SYNE3: variants seen among roughly 807,000 people sequenced by gnomAD.
SYNE3 encodes the protein nesprin-3.
SYNE3 carries 100 observed loss-of-function variants against 111.2 expected under a neutral mutation model. The observed-to-expected ratio is 0.90, with a 90% confidence interval of 0.77 to 1.06. SYNE3 has a LOEUF of 1.06. SYNE3 is among the 50% of genes least tolerant of loss of function. The probability of loss-of-function intolerance (pLI) is 0.00; values close to 1 mark genes in which losing one functional copy is unlikely to be tolerated. For synonymous variants in SYNE3, 547 were observed against 533.9 expected, an observed-to-expected ratio of 1.02 and a Z score of -0.34; for missense variants, 1,160 against 1,240.3, an observed-to-expected ratio of 0.94 and a Z score of 0.97.
intron 1 of SYNE3, among the ~76,000 whole-genome samples, chr14:95,513,696 T>C (rs1398523596): frequency 6.9e-6 from 1 of 145,706 alleles, no homozygotes; most frequent in African/African-American, 2.6e-5. Flanking sequence ...ACACTGCTGC[T>C]CCTGGGTTCC....
intron 1 of SYNE3, among the ~76,000 whole-genome samples, chr14:95,515,428 G>A (rs750939078): frequency 2.0e-5 from 3 of 152,210 alleles, no homozygotes; most frequent in East Asian, 1.9e-4. Flanking sequence ...AAGTGCAGGC[G>A]GCAAGCCCAG....
intron 14 of SYNE3, 104 bp downstream of exon 14, chr14:95,438,929 G>T: frequency 6.6e-7 from 1 of 1,505,994 alleles, no homozygotes; most frequent in Non-Finnish European, 9.1e-7. Context: ...CCTCAGAGCA[G>T]AGCATGTTGC....
chr14:95,408,021 G>A lies in SYNE3; in HGVS notation c.*9805C>T, dbSNP rs978259703. The A allele has an allele frequency of 5.9e-5, 9 of 152,168 alleles. No individual in the cohort carries two copies. The highest frequency in any genetic ancestry group is 2.2e-4 in the African/African-American group (9 of 41,438). The allele number at this position is 152,168 out of a possible 1,614,324, so 9.4% of individuals were successfully genotyped here. A position where few individuals can be genotyped will look rare whatever the true frequency, so the allele number is the denominator to read the frequency against. On this transcript the variant is annotated 3_prime_UTR_variant, in exon 18 of 18. Transcript: ENST00000682763. ...AGCACTCAATCTGGTGTGATCATCA[G>A]CGTCATCTGGGAGCAGCTTCAAAAA...
intron 1 of SYNE3, among the ~76,000 whole-genome samples, chr14:95,502,215 C>T (rs1890363433): frequency 6.6e-6 from 1 of 152,042 alleles, no homozygotes; most frequent in African/African-American, 2.4e-5. Flanking sequence ...CCAACTTTCA[C>T]CCTCATATCC....
chr14:95,421,208 A>G (rs867497578), intron 17 of SYNE3, among the ~76,000 whole-genome samples: 72 of 152,252 alleles, frequency 4.7e-4, no homozygotes, highest in African/African-American at 1.6e-3. Context: ...ACGGACTAAT[A>G]CATCATCCCT....
intron 6 of SYNE3, among the ~76,000 whole-genome samples, chr14:95,452,612 C>G (rs1002188822): frequency 6.6e-6 from 1 of 152,206 alleles, no homozygotes; most frequent in African/African-American, 2.4e-5. Flanking sequence ...CAGTTCTGCT[C>G]TTTATTGCCC....
chr14:95,468,553 C>A (rs1888334795), intron 2 of SYNE3, among the ~76,000 whole-genome samples: 1 of 152,136 alleles, frequency 6.6e-6, no homozygotes, highest in Non-Finnish European at 1.5e-5. Flanking sequence ...CTGGGAGATG[C>A]TGAGTGAGTG....
At chr14:95,430,102 G>A in intron 17 of SYNE3, 1 of 488,020 alleles carries the variant, frequency 2.0e-6, no homozygotes, top group Non-Finnish European at 2.6e-6. Context: ...ACCTGAGGCT[G>A]TGCTGGAGGG....
intron 15 of SYNE3, among the ~76,000 whole-genome samples, chr14:95,434,846 G>A (rs193119384): frequency 7.9e-5 from 12 of 152,274 alleles, no homozygotes; most frequent in African/African-American, 2.6e-4. Flanking sequence ...CAGTAGAAAC[G>A]TGGTTTCTCC....
rs369679815 is a variant in SYNE3, at chr14:95,513,398, G to A, written c.-15+3198C>T. Reference sequence around the variant, plus strand: ...GAAACCCAGGCGAGAGATCCAGGCTGCACTCTGGTGTTACAATGATAGTAG... The same window carrying A: ...GAAACCCAGGCGAGAGATCCAGGCTACACTCTGGTGTTACAATGATAGTAG... On this transcript the variant is annotated intron_variant, in intron 1 of 17. Coordinates refer to ENST00000682763, the MANE Select transcript of SYNE3 (RefSeq NM_152592.6). Among the ~76,000 whole-genome samples, 12 of 152,246 alleles carry A rather than the reference G, an allele frequency of 7.9e-5. No individual in the cohort carries two copies. In the East Asian group the frequency reaches 1.9e-3, roughly 25 times the overall value.
At chr14:95,436,600 T>C (rs900018822) in intron 15 of SYNE3, among the ~76,000 whole-genome samples, 1 of 152,272 alleles carries the variant, frequency 6.6e-6, no homozygotes, top group Non-Finnish European at 1.5e-5. Context: ...TGGTGATATT[T>C]TCCAAGTAGG....
At chr14:95,469,959 A>T (rs1453338596) in intron 2 of SYNE3, among the ~76,000 whole-genome samples, 1 of 152,150 alleles carries the variant, frequency 6.6e-6, no homozygotes, top group Non-Finnish European at 1.5e-5. Context: ...GAGTGAGGCA[A>T]ACAAGCTCCT....
intron 1 of SYNE3, among the ~76,000 whole-genome samples, chr14:95,508,178 T>C (rs1890595456): frequency 6.6e-6 from 1 of 152,168 alleles, no homozygotes; most frequent in Non-Finnish European, 1.5e-5. Flanking sequence ...TAGCTGAGGG[T>C]GGGTTACTTA....
At chr14:95,419,019 G>A (rs909956839) in intron 17 of SYNE3, among the ~76,000 whole-genome samples, 25 of 152,038 alleles carry the variant, frequency 1.6e-4, no homozygotes, top group African/African-American at 5.6e-4. Flanking sequence ...ATGAAGGTTA[G>A]TCTCACAAGT....
rs1886981740 is a variant in SYNE3, at chr14:95,450,097, A to T, written c.1283T>A (p.Val428Glu). 5.1e-6 allele frequency: 8 copies of T among 1,575,214 alleles called. No individual in the cohort carries two copies. The highest frequency in any genetic ancestry group is 6.9e-6 in the Non-Finnish European group (8 of 1,159,840). The change falls in exon 8 of 18, where the codon GTG becomes GAG. Residue 428 changes from valine to glutamate, a missense_variant. By Grantham distance (121) the Val-to-Glu change is moderately radical (BLOSUM62 -2). Coordinates refer to ENST00000682763, the MANE Select transcript of SYNE3 (RefSeq NM_152592.6). ...ATIQEYQSLK[V>E]KSARLRNAAA... ...GGCATTGCGCAGCCTCGCGCTCTTC[A>T]CCTTCAGGCTGCAAGGAGCGTGGAG...
chr14:95,459,420 C>T (rs1175411785), intron 4 of SYNE3, among the ~76,000 whole-genome samples: 1 of 151,956 alleles, frequency 6.6e-6, no homozygotes, highest in Non-Finnish European at 1.5e-5. Flanking sequence ...AAAACATTAG[C>T]AGGGTGTGGT....
intron 1 of SYNE3, among the ~76,000 whole-genome samples, chr14:95,492,404 T>G (rs903081630): frequency 6.6e-6 from 1 of 152,244 alleles, no homozygotes; most frequent in African/African-American, 2.4e-5. Context: ...TCGTGGTCTA[T>G]CCATACAATG....
At chr14:95,457,130 G>A (rs1440542056) in intron 5 of SYNE3, 47 bp downstream of exon 5, 2 of 1,533,500 alleles carry the variant, frequency 1.3e-6, no homozygotes, top group Non-Finnish European at 1.8e-6. Context: ...CCCACCCTCT[G>A]TGACTGTCCC....
intron 15 of SYNE3, among the ~76,000 whole-genome samples, chr14:95,433,970 C>T (rs1337571100): frequency 1.3e-5 from 2 of 152,170 alleles, no homozygotes; most frequent in South Asian, 2.1e-4. Context: ...TATGGGACAC[C>T]TTGCTTAGCT....
Sources: gnomAD v4.1 joint callset for allele counts (sites outside exome capture counted in the v4.1 genomes callset) on GRCh38, gnomAD v4.1.1 for gene constraint, MANE v1.5 for transcripts, NCBI Gene and HGNC (gene_info 2026-07-23, HGNC 2026-07-21) for gene names.